SAMTOR: variants seen among roughly 807,000 people sequenced by gnomAD.
SAMTOR encodes S-adenosylmethionine sensor upstream of mTORC1.
chr7:112,828,503 A>G, the SAMTOR span, among the ~76,000 whole-genome samples: 2 of 152,142 alleles, frequency 1.3e-5, no homozygotes, highest in Non-Finnish European at 2.9e-5. Context: ...CCAGAGTCTT[A>G]TTGGACTAGG....
chr7:112,922,896 C>A, the SAMTOR span, among the ~76,000 whole-genome samples: 9 of 143,848 alleles, frequency 6.3e-5, no homozygotes, highest in South Asian at 9.2e-4. Context: ...TCAGCCCCCC[C>A]CCCCCGGGCC....
the SAMTOR span, among the ~76,000 whole-genome samples, chr7:112,860,537 A>T: frequency 6.6e-6 from 1 of 152,188 alleles, no homozygotes; most frequent in Non-Finnish European, 1.5e-5. Context: ...AATTAAACTA[A>T]GTCTCACAAA....
the SAMTOR span, among the ~76,000 whole-genome samples, chr7:112,918,457 TG>T: frequency 6.6e-6 from 1 of 152,138 alleles, no homozygotes; most frequent in Non-Finnish European, 1.5e-5. Flanking sequence ...GCACTAAACA[TG>T]GAAAGGAACA....
the SAMTOR span, among the ~76,000 whole-genome samples, chr7:112,841,474 G>T: frequency 2.0e-5 from 3 of 152,088 alleles, no homozygotes; most frequent in Non-Finnish European, 4.4e-5. Context: ...TGGATAGGAA[G>T]AATCAATTTC....
chr7:112,921,177 C>T, the SAMTOR span, among the ~76,000 whole-genome samples: 6,442 of 151,942 alleles, frequency 0.042, 353 homozygotes, highest in African/African-American at 0.12. Context: ...GGAGGCATCA[C>T]GCTACCTGAC....
the SAMTOR span, among the ~76,000 whole-genome samples, chr7:112,905,593 T>C: frequency 6.6e-6 from 1 of 152,186 alleles, no homozygotes; most frequent in African/African-American, 2.4e-5. Context: ...GTGATATGTA[T>C]TTCAGGAATG....
At chr7:112,821,046 G>C in the SAMTOR span, 1 of 152,468 alleles carries the variant, frequency 6.6e-6, no homozygotes, top group Non-Finnish European at 1.5e-5. Context: ...CAACAAGAAA[G>C]TTATGAAAAT....
the SAMTOR span, among the ~76,000 whole-genome samples, chr7:112,851,507 C>T: frequency 1.3e-5 from 2 of 152,212 alleles, no homozygotes; most frequent in East Asian, 3.9e-4. Flanking sequence ...AAGAATGACA[C>T]TGAACTCATA....
At chr7:112,902,442 AAAAAAAC>A in the SAMTOR span, among the ~76,000 whole-genome samples, 151 of 134,240 alleles carry the variant, frequency 1.1e-3, 10 homozygotes, top group Middle Eastern at 3.5e-3. Context: ...AAAAAAACAA[AAAAAAAC>A]AAAAAAAAAA....
the SAMTOR span, among the ~76,000 whole-genome samples, chr7:112,915,891 TA>T: frequency 6.6e-6 from 1 of 152,200 alleles, no homozygotes; most frequent in African/African-American, 2.4e-5. Flanking sequence ...GTACAAACAC[TA>T]AACCTGCTTC....
At chr7:112,923,060 G>A in the SAMTOR span, among the ~76,000 whole-genome samples, 1 of 152,254 alleles carries the variant, frequency 6.6e-6, no homozygotes, top group African/African-American at 2.4e-5. Flanking sequence ...GGAAAAGATT[G>A]AGAAATCGGA....
the SAMTOR span, among the ~76,000 whole-genome samples, chr7:112,857,090 T>TC: frequency 7.0e-6 from 1 of 143,776 alleles, no homozygotes; most frequent in East Asian, 2.0e-4. Flanking sequence ...TTTTTTTTTT[T>TC]TTTTTTTTTT....
the SAMTOR span, among the ~76,000 whole-genome samples, chr7:112,857,648 T>TATA: frequency 5.9e-5 from 9 of 152,202 alleles, no homozygotes; most frequent in African/African-American, 2.2e-4. Context: ...ATATTGTGTC[T>TATA]TTGCATCACA....
chr7:112,848,520 A>T, the SAMTOR span, among the ~76,000 whole-genome samples: 1 of 152,128 alleles, frequency 6.6e-6, no homozygotes, highest in East Asian at 1.9e-4. Flanking sequence ...ACAAAATCTT[A>T]CGGGAGTAGA....
chr7:112,865,476 C>T, the SAMTOR span, among the ~76,000 whole-genome samples: 1 of 151,936 alleles, frequency 6.6e-6, no homozygotes, highest in Non-Finnish European at 1.5e-5. Context: ...CAGGGTTTCG[C>T]CATGTTGGCC....
chr7:112,909,207 C>T, the SAMTOR span, among the ~76,000 whole-genome samples: 25 of 152,298 alleles, frequency 1.6e-4, no homozygotes, highest in African/African-American at 5.8e-4. Flanking sequence ...GAGCCATGCT[C>T]CTGCTTCTCA....
chr7:112,921,206 G>A, the SAMTOR span, among the ~76,000 whole-genome samples: 1 of 152,112 alleles, frequency 6.6e-6, no homozygotes, highest in Non-Finnish European at 1.5e-5. Context: ...ATACTACAAG[G>A]CTACAGTAAC....
At chr7:112,890,541 T>C in the SAMTOR span, among the ~76,000 whole-genome samples, 1 of 152,024 alleles carries the variant, frequency 6.6e-6, no homozygotes, top group Non-Finnish European at 1.5e-5. Flanking sequence ...CGGAAAAGCA[T>C]AGTCCATACT....
the SAMTOR span, among the ~76,000 whole-genome samples, chr7:112,842,743 T>C: frequency 6.6e-5 from 10 of 151,998 alleles, no homozygotes; most frequent in Non-Finnish European, 1.5e-4. Flanking sequence ...GTGAAAGTAC[T>C]GTATTACATG....
Sources: gnomAD v4.1 joint callset for allele counts (sites outside exome capture counted in the v4.1 genomes callset) on GRCh38, gnomAD v4.1.1 for gene constraint, MANE v1.5 for transcripts, NCBI Gene and HGNC (gene_info 2026-07-23, HGNC 2026-07-21) for gene names.